CRB1: variants seen among roughly 807,000 people sequenced by gnomAD.
CRB1 encodes the protein crumbs cell polarity complex component 1, also known as protein crumbs homolog 1.
CRB1 carries 83 observed loss-of-function variants against 120.0 expected under a neutral mutation model. The ratio of observed to expected loss-of-function variants is 0.69; its 90% CI spans 0.58 to 0.83. CRB1 has a LOEUF of 0.83. CRB1 is among the 40% of genes least tolerant of loss of function. The probability of loss-of-function intolerance (pLI) is 0.00; values close to 1 mark genes in which losing one functional copy is unlikely to be tolerated. For missense variants in CRB1, 1,699 were observed against 1,687.6 expected, an observed-to-expected ratio of 1.01 and a Z score of -0.12; for synonymous variants, 625 against 612.5, an observed-to-expected ratio of 1.02 and a Z score of -0.30.
At chr1:197,211,261 C>G in the CRB1 span, among the ~76,000 whole-genome samples, 12 of 152,290 alleles carry the variant, frequency 7.9e-5, no homozygotes, top group South Asian at 2.1e-3. Context: ...ATTTGGCATA[C>G]CAACAGCCAT....
At chr1:197,229,590 C>T in the CRB1 span, among the ~76,000 whole-genome samples, 114 of 152,278 alleles carry the variant, frequency 7.5e-4, 2 homozygotes, top group East Asian at 0.022. Context: ...GGTAGTTTTT[C>T]AGCCCTTGTT....
At chr1:197,370,593 G>A (rs1661318760) in intron 5 of CRB1, among the ~76,000 whole-genome samples, 1 of 152,140 alleles carries the variant, frequency 6.6e-6, no homozygotes, top group Non-Finnish European at 1.5e-5. Context: ...AATCAAGAAG[G>A]AAATTTAAAA....
the CRB1 span, among the ~76,000 whole-genome samples, chr1:197,232,886 C>G: frequency 1.3e-5 from 2 of 152,044 alleles, no homozygotes; most frequent in African/African-American, 4.8e-5. Flanking sequence ...ATCACAGCCC[C>G]TCTATTAGAA....
chr1:197,256,158 A>G, the CRB1 span, among the ~76,000 whole-genome samples: 1 of 151,186 alleles, frequency 6.6e-6, no homozygotes, highest in Non-Finnish European at 1.5e-5. Flanking sequence ...GCCCTCAGTC[A>G]TCATCTTCTT....
intron 11 of CRB1, among the ~76,000 whole-genome samples, chr1:197,472,400 A>G (rs924804705): frequency 5.3e-5 from 8 of 152,076 alleles, no homozygotes; most frequent in African/African-American, 1.7e-4. Context: ...GAGAGAAAGG[A>G]CCTCTGGGGG....
intron 11 of CRB1, among the ~76,000 whole-genome samples, chr1:197,456,806 G>A (rs1286899618): frequency 2.6e-5 from 4 of 152,032 alleles, no homozygotes; most frequent in East Asian, 1.9e-4. Flanking sequence ...TTTAAAAACC[G>A]GTTTCTGTAA....
At chr1:197,395,876 C>A (rs1353496046) in intron 5 of CRB1, among the ~76,000 whole-genome samples, 1 of 152,090 alleles carries the variant, frequency 6.6e-6, no homozygotes, top group East Asian at 1.9e-4. Flanking sequence ...TACAAAAAAA[C>A]CTAGAGCTAA....
intron 2 of CRB1, among the ~76,000 whole-genome samples, chr1:197,333,659 G>A (rs1158378260): frequency 1.3e-5 from 2 of 152,162 alleles, no homozygotes; most frequent in East Asian, 3.8e-4. Flanking sequence ...TATATTCAAT[G>A]TACTTTTCAA....
At chr1:197,206,876 T>G in the CRB1 span, among the ~76,000 whole-genome samples, 1 of 152,188 alleles carries the variant, frequency 6.6e-6, no homozygotes, top group African/African-American at 2.4e-5. Flanking sequence ...CTATCTCATT[T>G]CTTAGGTCTA....
At chr1:197,372,997 A>G (rs374316516) in intron 5 of CRB1, among the ~76,000 whole-genome samples, 25 of 152,132 alleles carry the variant, frequency 1.6e-4, no homozygotes, top group African/African-American at 5.3e-4. Flanking sequence ...TCTAAGGAAT[A>G]AGAAGCCTAA....
intron 5 of CRB1, among the ~76,000 whole-genome samples, chr1:197,405,172 C>G (rs1346476301): frequency 1.3e-5 from 2 of 152,060 alleles, no homozygotes; most frequent in Non-Finnish European, 2.9e-5. Context: ...CTGCAACCTC[C>G]CTGCCTGATT....
chr1:197,428,713 ACATGGATTAATC>A (rs1463486168), intron 7 of CRB1, among the ~76,000 whole-genome samples: 1 of 152,234 alleles, frequency 6.6e-6, no homozygotes, highest in Non-Finnish European at 1.5e-5. Flanking sequence ...GCACTATTTT[ACATGGATTAATC>A]CACTTAGTTC....
intron 1 of CRB1, among the ~76,000 whole-genome samples, chr1:197,302,263 G>A (rs142736289): frequency 3.3e-5 from 5 of 152,300 alleles, no homozygotes; most frequent in South Asian, 2.1e-4. Context: ...TGAGATGATC[G>A]TTAGCATTTT....
intron 11 of CRB1, among the ~76,000 whole-genome samples, chr1:197,449,591 C>T (rs1390296174): frequency 6.6e-6 from 1 of 152,114 alleles, no homozygotes; most frequent in Non-Finnish European, 1.5e-5. Flanking sequence ...TGGTCTCGAT[C>T]TCCTGACCTC....
chr1:197,415,141 T>C (rs961108185), intron 5 of CRB1, among the ~76,000 whole-genome samples: 1 of 152,126 alleles, frequency 6.6e-6, no homozygotes, highest in East Asian at 1.9e-4. Context: ...CAGTAGGCAA[T>C]GGTATAGAAA....
intron 1 of CRB1, among the ~76,000 whole-genome samples, chr1:197,285,998 G>A (rs760582611): frequency 2.6e-5 from 4 of 151,684 alleles, no homozygotes; most frequent in Non-Finnish European, 4.4e-5. Flanking sequence ...AGGTCACAAC[G>A]TTTCCTGTGA....
chr1:197,222,664 G>A, the CRB1 span: 24 of 781,566 alleles, frequency 3.1e-5, no homozygotes, highest in African/African-American at 3.7e-4. Context: ...GTCACCTTAG[G>A]ACAGCTCCAT....
chr1:197,375,580 C>A (rs945274218), intron 5 of CRB1, among the ~76,000 whole-genome samples: 6 of 152,136 alleles, frequency 3.9e-5, no homozygotes, highest in Non-Finnish European at 8.8e-5. Context: ...ACTCTCCCAA[C>A]ACCTACCTAT....
intron 9 of CRB1, among the ~76,000 whole-genome samples, chr1:197,436,341 C>A (rs1665161840): frequency 6.6e-6 from 1 of 151,712 alleles, no homozygotes; most frequent in South Asian, 2.1e-4. Flanking sequence ...TGATTGTCTT[C>A]ATGTTGATTA....
Sources: gnomAD v4.1 joint callset for allele counts (sites outside exome capture counted in the v4.1 genomes callset) on GRCh38, gnomAD v4.1.1 for gene constraint, MANE v1.5 for transcripts, NCBI Gene and HGNC (gene_info 2026-07-23, HGNC 2026-07-21) for gene names.